Variants in MEF2A observed in about 807,000 individuals in gnomAD.
The protein encoded by MEF2A is myocyte enhancer factor 2A, also known as myocyte-specific enhancer factor 2A.
Under a neutral mutation model 55.8 loss-of-function variants are expected in MEF2A, and 28 were observed. The ratio of observed to expected loss-of-function variants is 0.50; its 90% confidence interval spans 0.37 to 0.69. The LOEUF (loss-of-function observed/expected upper bound fraction) is 0.69. Ranked by LOEUF, MEF2A falls within the 30% of genes least tolerant of loss-of-function variation. The pLI is 0.00. For synonymous variants in MEF2A, 239 were observed against 227.1 expected (o/e 1.05, Z -0.47); for missense variants, 528 against 626.2 (o/e 0.84, Z 1.67).
intron 3 of MEF2A, among the ~76,000 whole-genome samples, chr15:99,644,842 G>A (rs1204963838): frequency 6.6e-6 from 1 of 152,126 alleles, no homozygotes; most frequent in African/African-American, 2.4e-5. Flanking sequence ...GAGGGTTGTT[G>A]GGTGGTATAA....
intron 4 of MEF2A, among the ~76,000 whole-genome samples, chr15:99,659,859 A>C (rs2048345544): frequency 6.6e-6 from 1 of 152,226 alleles, no homozygotes; most frequent in Non-Finnish European, 1.5e-5. Flanking sequence ...ACAGATTTCA[A>C]GAAAAATATA....
rs773502316 is a variant in MEF2A at position 99,602,653 on chromosome 15, G to GGTGTGTGTGTGTGTGTGTGT, written c.-143+4169_-143+4188dup. On this transcript the variant is annotated intron_variant, in intron 2 of 11. Coordinates refer to ENST00000557942, the MANE Select transcript of MEF2A (RefSeq NM_001319206.4). ...CCTGGTGGTTGCCTGACATTCCTGG[G>GGTGTGTGTGTGTGTGTGTGT]GTGTGTGTGTGTGTGTGTGTGTGTG... is the stretch of plus-strand genomic sequence containing the variant. Among the ~76,000 whole-genome samples the GGTGTGTGTGTGTGTGTGTGT allele has an allele frequency of 1.3e-4, 6 of 44,870 alleles. 1 individual carries two copies. In the East Asian group the frequency reaches 3.5e-3, roughly 26 times the overall value. 29.4% of individuals were successfully genotyped at this position (44,870 alleles called of 152,430 possible). A position where few individuals can be genotyped will look rare whatever the true frequency, so the allele number is the denominator to read the frequency against.
rs773300399 is a variant in MEF2A, at chr15:99,675,413, A to G, written c.625A>G (p.Thr209Ala). The G allele has an allele frequency of 9.9e-6, 16 of 1,613,804 alleles. No homozygotes were observed. The highest frequency in any genetic ancestry group is 1.3e-5 in the African/African-American group (1 of 74,914). The part of the protein sequence containing the change: ...STGNAGGMLS[T>A]TDLTVPNGAG... ...AACGTTGTTAGGTGGGATGTTGAGC[A>G]CTACAGACCTCACAGTGCCAAATGG... The change falls in exon 7 of 12, where the codon ACT (threonine) becomes GCT (alanine). Residue 209 changes from threonine to alanine, a missense_variant. Around this residue, in one of 2 missense-constraint regions of MEF2A, gnomAD observed 450 missense variants for 475.3 expected, o/e 0.95. Coordinates refer to ENST00000557942, the MANE Select transcript of MEF2A (RefSeq NM_001319206.4).
At chr15:99,567,871 C>A (rs907114706) in intron 1 of MEF2A, among the ~76,000 whole-genome samples, 1 of 152,042 alleles carries the variant, frequency 6.6e-6, no homozygotes, top group South Asian at 2.1e-4. Flanking sequence ...TATTTTAATT[C>A]TCAGTGAGCA....
chr15:99,666,085 G>GA (rs2049626550), intron 4 of MEF2A, among the ~76,000 whole-genome samples: 1 of 152,066 alleles, frequency 6.6e-6, no homozygotes, highest in African/African-American at 2.4e-5. Context: ...TGCCATTACT[G>GA]AATATATACC....
intron 3 of MEF2A, among the ~76,000 whole-genome samples, chr15:99,641,712 A>G (rs2045006371): frequency 6.6e-6 from 1 of 152,134 alleles, no homozygotes; most frequent in South Asian, 2.1e-4. Flanking sequence ...CGACAGAGTG[A>G]GACTCTGTCT....
chr15:99,663,249 C>T (rs976942589), intron 4 of MEF2A, among the ~76,000 whole-genome samples: 1 of 151,984 alleles, frequency 6.6e-6, no homozygotes, highest in Non-Finnish European at 1.5e-5. Flanking sequence ...AGCCCATATG[C>T]TTTAAATATT....
intron 4 of MEF2A, among the ~76,000 whole-genome samples, chr15:99,653,924 C>T (rs906034434): frequency 5.9e-5 from 9 of 151,970 alleles, no homozygotes; most frequent in African/African-American, 1.7e-4. Context: ...GAATGTATCT[C>T]GAAAACTTTA....
chr15:99,651,283 A>G (rs1011631069), intron 4 of MEF2A, among the ~76,000 whole-genome samples: 1 of 152,126 alleles, frequency 6.6e-6, no homozygotes, highest in African/African-American at 2.4e-5. Context: ...TAAATGACCT[A>G]TCTCCTGAGA....
chr15:99,588,173 G>C (rs545067961), intron 1 of MEF2A, among the ~76,000 whole-genome samples: 19 of 151,674 alleles, frequency 1.3e-4, no homozygotes, highest in Non-Finnish European at 2.7e-4. Context: ...CTGTTGTACA[G>C]TGGCACCGTC....
intron 2 of MEF2A, among the ~76,000 whole-genome samples, chr15:99,622,718 T>TTTTTC (rs1192816108): frequency 6.6e-6 from 1 of 150,574 alleles, no homozygotes; most frequent in Non-Finnish European, 1.5e-5. Context: ...TTTTTTCTTT[T>TTTTTC]TTGAGATGGA....
At chr15:99,582,256 T>G (rs1966157168) in intron 1 of MEF2A, among the ~76,000 whole-genome samples, 1 of 152,170 alleles carries the variant, frequency 6.6e-6, no homozygotes, top group Admixed American at 6.5e-5. Flanking sequence ...GAAAGCATAG[T>G]GATAGGCTCA....
At chr15:99,584,565 A>G (rs1340339671) in intron 1 of MEF2A, among the ~76,000 whole-genome samples, 1 of 152,214 alleles carries the variant, frequency 6.6e-6, no homozygotes, top group Non-Finnish European at 1.5e-5. Flanking sequence ...GTTAAGTGAA[A>G]GAAGCCAGCC....
At chr15:99,685,143 T>C (rs1412554297) in intron 7 of MEF2A, among the ~76,000 whole-genome samples, 1 of 152,212 alleles carries the variant, frequency 6.6e-6, no homozygotes, top group Non-Finnish European at 1.5e-5. Context: ...TCCAGATTTG[T>C]TCTTTTTGCT....
intron 8 of MEF2A, among the ~76,000 whole-genome samples, chr15:99,696,349 C>T (rs1236239138): frequency 6.6e-6 from 1 of 152,158 alleles, no homozygotes; most frequent in Non-Finnish European, 1.5e-5. Context: ...AAGATCACAT[C>T]CTGTGCCAGG....
At chr15:99,637,249 A>G (rs2153435234) in intron 3 of MEF2A, among the ~76,000 whole-genome samples, 1 of 151,846 alleles carries the variant, frequency 6.6e-6, no homozygotes, top group Middle Eastern at 3.4e-3. Context: ...TTTCCACTGG[A>G]TGTAGGGATC....
intron 2 of MEF2A, among the ~76,000 whole-genome samples, chr15:99,629,463 C>T (rs963137833): frequency 3.9e-5 from 6 of 152,172 alleles, no homozygotes; most frequent in African/African-American, 9.7e-5. Flanking sequence ...AAACTAATCC[C>T]GGTTGGCTAA....
intron 4 of MEF2A, among the ~76,000 whole-genome samples, chr15:99,669,663 T>C (rs979084069): frequency 2.0e-5 from 3 of 152,260 alleles, no homozygotes; most frequent in African/African-American, 7.2e-5. Flanking sequence ...AATGATTGTT[T>C]ATGATTCTTC....
intron 5 of MEF2A, among the ~76,000 whole-genome samples, chr15:99,672,470 C>A (rs1270061167): frequency 6.6e-6 from 1 of 152,228 alleles, no homozygotes; most frequent in Non-Finnish European, 1.5e-5. Context: ...CTACTTAAAA[C>A]AGTTATTCTG....
Sources: allele counts gnomAD v4.1 joint callset (sites outside exome capture counted in the v4.1 genomes callset), GRCh38; gene constraint gnomAD v4.1.1; regional missense constraint gnomAD v4.1.1; transcripts MANE v1.5; gene names NCBI Gene and HGNC (gene_info 2026-07-23, HGNC 2026-07-21).